The following PAQR7 variants were observed in gnomAD, a reference collection of about 807,000 sequenced individuals.
PAQR7 encodes membrane progestin receptor alpha.
A neutral mutation model predicts 24.6 loss-of-function variants in PAQR7; 14 were observed. The ratio of observed to expected loss-of-function variants is 0.57; its 90% CI spans 0.38 to 0.89. The LOEUF (loss-of-function observed/expected upper bound fraction) is 0.89, where lower values mean the gene tolerates loss of function less well. PAQR7 is among the 40% of genes least tolerant of loss of function. The pLI is 0.00. For missense variants in PAQR7, 351 were observed against 444.0 expected (o/e 0.79, Z 1.88); for synonymous variants, 189 against 198.8 (o/e 0.95, Z 0.42).
At chr1:25,868,913 G>A (rs2048580481) in intron 2 of PAQR7, among the ~76,000 whole-genome samples, 1 of 151,884 alleles carries the variant, frequency 6.6e-6, no homozygotes, top group South Asian at 2.1e-4. Flanking sequence ...TGGATCACGA[G>A]GTCAAGAGAT....
Position 25,862,764 on chromosome 1 carries a change from A to G in PAQR7, c.*35T>C. ...GCCAAACCCAGACCCCTGTCCCCCAACTATACCTCCCTCCCTACCAGATGC... is the reference window on the plus strand; with the variant it reads ...GCCAAACCCAGACCCCTGTCCCCCAGCTATACCTCCCTCCCTACCAGATGC... On this transcript the variant is annotated 3_prime_UTR_variant, in exon 3 of 3. Transcript: ENST00000675840. The G allele has an allele frequency of 1.3e-6, 2 of 1,583,268 alleles. No individual in the cohort carries two copies. The highest frequency in any genetic ancestry group is 1.7e-6 in the Non-Finnish European group (2 of 1,161,136).
intron 1 of PAQR7, among the ~76,000 whole-genome samples, chr1:25,873,604 G>C (rs2048622429): frequency 6.6e-6 from 1 of 152,002 alleles, no homozygotes; most frequent in African/African-American, 2.4e-5. Context: ...CTTGAGATAG[G>C]GTATCACTCT....
At chr1:25,872,078 C>T (rs962218427) in intron 1 of PAQR7, among the ~76,000 whole-genome samples, 7 of 152,222 alleles carry the variant, frequency 4.6e-5, no homozygotes, top group African/African-American at 1.7e-4. Context: ...CTGGAATTCA[C>T]CTGCTGTGTG....
chr1:25,873,264 G>A (rs928823966), intron 1 of PAQR7, among the ~76,000 whole-genome samples: 1 of 152,208 alleles, frequency 6.6e-6, no homozygotes, highest in African/African-American at 2.4e-5. Context: ...CCCTGGAGGC[G>A]GGAGGGCAGA....
chr1:25,874,038 C>G (rs1162230936), intron 1 of PAQR7, among the ~76,000 whole-genome samples: 1 of 152,142 alleles, frequency 6.6e-6, no homozygotes, highest in Non-Finnish European at 1.5e-5. Context: ...CATGCACCAC[C>G]ACACCCGGCT....
At chr1:25,873,969 C>T (rs1378519223) in intron 1 of PAQR7, among the ~76,000 whole-genome samples, 3 of 152,166 alleles carry the variant, frequency 2.0e-5, no homozygotes, top group East Asian at 3.9e-4. Flanking sequence ...CTGCAACCTC[C>T]GCCTCCCGGC....
intron 2 of PAQR7, among the ~76,000 whole-genome samples, chr1:25,869,365 A>G (rs1327192406): frequency 6.6e-6 from 1 of 152,072 alleles, no homozygotes; most frequent in Non-Finnish European, 1.5e-5. Flanking sequence ...TGAGGTCAGG[A>G]GTTCGAGACC....
intron 2 of PAQR7, among the ~76,000 whole-genome samples, chr1:25,866,793 C>T (rs186666283): frequency 1.6e-4 from 24 of 152,018 alleles, no homozygotes; most frequent in Admixed American, 9.8e-4. Flanking sequence ...AGTGCAATGG[C>T]TCAATCTCGG....
At chr1:25,871,704 G>A (rs963131878) in intron 1 of PAQR7, among the ~76,000 whole-genome samples, 8 of 152,230 alleles carry the variant, frequency 5.3e-5, no homozygotes, top group Non-Finnish European at 1.2e-4. Flanking sequence ...AGACCAGGCT[G>A]CAGGGAGGTG....
rs751479758 is a variant in PAQR7, at chr1:25,863,595, G to C, written c.245C>G (p.Ala82Gly). ...AVNVWTHLLA[A>G]LVLLLRLALF... ...GGCCAGCCGCAGCAGCAGTACCAGG[G>C]CCGCCAGCAGGTGGGTCCAGACATT... Residue 82 changes from alanine to glycine, a missense_variant, in exon 3 of 3, where the codon GCC (alanine) becomes GGC (glycine). Physicochemically the swap from Ala to Gly is moderately conservative, Grantham distance 60. Coordinates refer to ENST00000675840, the MANE Select transcript of PAQR7 (RefSeq NM_178422.6). This position sits in a 1 kb window ranked among gnomAD's most constrained non-coding sequence, Gnocchi z 6.1. 3 of 1,614,228 alleles carry C rather than the reference G, an allele frequency of 1.9e-6. No homozygotes were observed. Among genetic ancestry groups the C allele is most frequent in the Non-Finnish European group, 2.5e-6 (3 of 1,180,042 alleles).
chr1:25,875,138 T>A lies in PAQR7; in HGVS notation c.-109+350A>T, dbSNP rs2048639394. Among the ~76,000 whole-genome samples the A allele has an allele frequency of 1.3e-5, 2 of 151,604 alleles. No individual in the cohort carries two copies. The highest frequency in any genetic ancestry group is 2.9e-5 in the Non-Finnish European group (2 of 67,888). On this transcript the variant is annotated intron_variant, in intron 1 of 2. Transcript: ENST00000675840. This position sits in a 1 kb window ranked among gnomAD's most constrained non-coding sequence, Gnocchi z 5.4. ...ATCCTTCATTTTCTCCAAGCAGCCC[T>A]CCCCTCCCCTGCTCACTGGACAAAC...
At position 25,862,640 on chromosome 1, in the gene PAQR7, C is replaced by G. The variant is rs1358320762; in HGVS notation, c.*159G>C. The G allele has an allele frequency of 1.2e-6, 1 of 821,672 alleles. No homozygotes were observed. The highest frequency in any genetic ancestry group is 1.7e-5 in the African/African-American group (1 of 57,744). 50.9% of individuals were successfully genotyped at this position (821,672 alleles called of 1,614,324 possible). A position where few individuals can be genotyped will look rare whatever the true frequency, so the allele number is the denominator to read the frequency against. On this transcript the variant is annotated 3_prime_UTR_variant, in exon 3 of 3. Coordinates refer to ENST00000675840, the MANE Select transcript of PAQR7 (RefSeq NM_178422.6). ...GCAACTCCTAGCCAATCCCTAAATC[C>G]AAGAATTGGCCAGTGATGCCCTTGG...
In PAQR7 at chr1:25,863,193, A is replaced by C. The variant is rs755991888; in HGVS notation, c.647T>G (p.Leu216Arg). Reference sequence around the variant, plus strand: ...ACGATGCACCACAGGACTAATGTCCAGTGCGTAGGCCAGGACGGAGGGCAC... The same window carrying C: ...ACGATGCACCACAGGACTAATGTCCCGTGCGTAGGCCAGGACGGAGGGCAC... ...QEVPSVLAYA[L>R]DISPVVHRIF... Residue 216 changes from leucine (L) to arginine (R), a missense_variant, in exon 3 of 3, where the codon CTG becomes CGG. By Grantham distance (102) the Leu-to-Arg change is moderately radical. Coordinates refer to ENST00000675840, the MANE Select transcript of PAQR7 (RefSeq NM_178422.6). The surrounding 1 kb of genome is among the most constrained non-coding windows in gnomAD (Gnocchi z 6.1). 6 of 1,614,258 alleles carry C rather than the reference A, an allele frequency of 3.7e-6. No homozygotes were observed. The highest frequency in any genetic ancestry group is 4.2e-6 in the Non-Finnish European group (5 of 1,180,044).
Position 25,862,844 on chromosome 1 carries a change from G to A in PAQR7, c.996C>T (p.Leu332=), listed in dbSNP as rs1484396629. Residue 332 remains leucine (L), a synonymous_variant, in exon 3 of 3, where the codon CTC becomes CTT. Coordinates refer to ENST00000675840, the MANE Select transcript of PAQR7 (RefSeq NM_178422.6). ...TVGSSILTAF[L]LSQLVQRKLD... ...GTTTGCGCTGTACCAGCTGGCTCAG[G>A]AGGAATGCAGTGAGGATGCTGCTGC... 5 of 1,614,168 alleles carry A rather than the reference G, an allele frequency of 3.1e-6. No individual in the cohort carries two copies. The Admixed American group carries it at 8.3e-5, about 27-fold the overall frequency.
intron 2 of PAQR7, among the ~76,000 whole-genome samples, chr1:25,866,114 AC>A (rs2048555234): frequency 1.3e-5 from 2 of 150,982 alleles, no homozygotes; most frequent in Non-Finnish European, 3.0e-5. Context: ...GATGAACCAC[AC>A]CCCCACTCTC....
rs975396509 is a variant in PAQR7 at position 25,863,483 on chromosome 1, G to A, written c.357C>T (p.Ser119=). The change falls in exon 3 of 3, where the codon TCC becomes TCT. Residue 119 remains serine (S), a synonymous_variant. Transcript: ENST00000675840. The surrounding 1 kb of genome is among the most constrained non-coding windows in gnomAD (Gnocchi z 6.1). ...IIVLASFTYL[S]FSALAHLLQA... is the part of the protein sequence containing the mutation. ...GCAGGAGGTGAGCCAAGGCACTGAA[G>A]GAGAGGTAGGTGAAAGAGGCAAGGA... is the stretch of plus-strand genomic sequence containing the variant. 1.7e-5 allele frequency: 28 copies of A among 1,614,106 alleles called. No homozygotes were observed. The Middle Eastern group carries it at 1.2e-3, about 66-fold the overall frequency.
chr1:25,871,928 G>A (rs1041884688), intron 1 of PAQR7, among the ~76,000 whole-genome samples: 6 of 152,362 alleles, frequency 3.9e-5, no homozygotes, highest in Middle Eastern at 3.4e-3. Flanking sequence ...AGGGAAGCCA[G>A]CCAGGTAGTG....
intron 2 of PAQR7, among the ~76,000 whole-genome samples, chr1:25,864,727 T>C (rs1322993980): frequency 1.3e-5 from 2 of 152,046 alleles, no homozygotes. Flanking sequence ...GGCATGTGCC[T>C]GTAGTCCCAG....
intron 2 of PAQR7, among the ~76,000 whole-genome samples, chr1:25,865,113 C>T (rs1572277142): frequency 6.7e-6 from 1 of 150,294 alleles, no homozygotes; most frequent in Non-Finnish European, 1.5e-5. Flanking sequence ...CGCCACTGCA[C>T]TCCAGCCTGG....
Sources: gnomAD v4.1 joint callset for allele counts (sites outside exome capture counted in the v4.1 genomes callset) on GRCh38, gnomAD v4.1.1 for gene constraint, Gnocchi (gnomAD v3.1) non-coding constraint, MANE v1.5 for transcripts, NCBI Gene and HGNC (gene_info 2026-07-23, HGNC 2026-07-21) for gene names.